The following THUMPD2 variants were observed in gnomAD, a reference collection of about 807,000 sequenced individuals.
THUMPD2 encodes the protein U6 snRNA (guanine-N(2))-methyltransferase THUMPD2.
THUMPD2 carries 56 observed loss-of-function variants against 49.4 expected under a neutral mutation model. That is an observed-to-expected ratio of 1.13 (90% CI 0.91 to 1.41). The LOEUF (loss-of-function observed/expected upper bound fraction) is 1.41, where lower values mean the gene tolerates loss of function less well. Ranked by LOEUF, THUMPD2 falls within the 40% of genes most tolerant of loss-of-function variation. The pLI is 0.00. For missense variants in THUMPD2, 709 were observed against 594.5 expected, an observed-to-expected ratio of 1.19 and a Z score of -2.00; for synonymous variants, 237 against 205.2, an observed-to-expected ratio of 1.15 and a Z score of -1.32.
At position 39,736,753 on chromosome 2, in the gene THUMPD2, C is replaced by A. The variant is rs147766550; in HGVS notation, c.1494G>T (p.Ser498=). Residue 498 remains serine, a synonymous_variant, in exon 10 of 10, where the codon TCG becomes TCT. Transcript: ENST00000505747. Reference sequence around the variant, plus strand: ...AAGCCTGCTACAGTCCAGAAGAGTGCGACTTCTTATATTTACATATGAACG... The same window carrying A: ...AAGCCTGCTACAGTCCAGAAGAGTGAGACTTCTTATATTTACATATGAACG... ...TDAFICKYKK[S]HSSGL 3.1e-6 allele frequency: 5 copies of A among 1,613,620 alleles called. No individual in the cohort carries two copies. Among genetic ancestry groups the A allele is most frequent in the South Asian group, 1.1e-5 (1 of 91,054 alleles).
chr2:39,767,828 A>G (rs1677758238), intron 4 of THUMPD2, among the ~76,000 whole-genome samples: 1 of 152,164 alleles, frequency 6.6e-6, no homozygotes, highest in African/African-American at 2.4e-5. Context: ...TTAAACCTAC[A>G]TAACAAGTAA....
At position 39,771,486 on chromosome 2, in the gene THUMPD2, G is replaced by A; in HGVS notation, c.262+19C>T. The A allele has an allele frequency of 1.3e-6, 2 of 1,577,760 alleles. No homozygotes were observed. The highest frequency in any genetic ancestry group is 1.7e-6 in the Non-Finnish European group (2 of 1,168,948). On this transcript the variant is annotated intron_variant, in intron 2 of 9. Coordinates refer to ENST00000505747, the MANE Select transcript of THUMPD2 (RefSeq NM_025264.5). ...TGTATCATGTGGGTAAAAGCAACAT[G>A]CATATGAATATGCCATACCTTTACT...
intron 3 of THUMPD2, chr2:39,768,908 G>A (rs1677911169): frequency 1.5e-6 from 2 of 1,300,876 alleles, no homozygotes; most frequent in South Asian, 1.2e-5. Flanking sequence ...CACCCTTTAG[G>A]GTTTGACTGA....
At chr2:39,768,388 G>C in intron 4 of THUMPD2, 36 bp downstream of exon 4, 2 of 1,506,098 alleles carry the variant, frequency 1.3e-6, no homozygotes, top group Non-Finnish European at 1.8e-6. Flanking sequence ...AAAGAATTAG[G>C]TTACAAGTAT....
In THUMPD2 at chr2:39,769,917, T is replaced by G; in HGVS notation, c.465A>C (p.Ile155=). ...CCAGCTGGCAGTCCCTATTCTCTTC[T>G]ATCTTTTGCATTTGTTCTATTTTTA... ...KKLKIEQMQK[I]EENRDCQLEK... is the part of the protein sequence containing the mutation. The change falls in exon 3 of 10, where the codon ATA becomes ATC. Residue 155 remains isoleucine (I), a synonymous_variant. Transcript: ENST00000505747. 1 of 1,585,804 alleles carries G rather than the reference T, an allele frequency of 6.3e-7. No homozygotes were observed. The highest frequency in any genetic ancestry group is 8.5e-7 in the Non-Finnish European group (1 of 1,172,906).
chr2:39,757,331 C>T, intron 6 of THUMPD2: 1 of 1,198,446 alleles, frequency 8.3e-7, no homozygotes, highest in Non-Finnish European at 1.1e-6. Flanking sequence ...GCAGAGTCCT[C>T]AGTGCACAGC....
chr2:39,761,182 G>GT (rs1231559526), intron 6 of THUMPD2, 149 bp downstream of exon 6: 2 of 655,308 alleles, frequency 3.1e-6, no homozygotes, highest in Non-Finnish European at 5.1e-6. Flanking sequence ...GCAGCAGTTT[G>GT]TAAGTACAAT....
In THUMPD2 at chr2:39,769,995, ATCTC is replaced by A; in HGVS notation, c.383_386del (p.Arg128MetfsTer5). 2 of 1,576,782 alleles carry A rather than the reference ATCTC, an allele frequency of 1.3e-6. No individual in the cohort carries two copies. Among genetic ancestry groups the A allele is most frequent in the Non-Finnish European group, 1.7e-6 (2 of 1,169,948 alleles). Reference sequence around the variant, plus strand: ...CCACTTTTCTTTTTAGTTGGTTATCATCTCTCTGAGAAAGTTTTTCCTTTTTTGC... The same window carrying A: ...CCACTTTTCTTTTTAGTTGGTTATCATCTGAGAAAGTTTTTCCTTTTTTGC... On this transcript the variant is annotated frameshift_variant, in exon 3 of 10. Coordinates refer to ENST00000505747, the MANE Select transcript of THUMPD2 (RefSeq NM_025264.5). LOFTEE classifies it high-confidence loss of function.
intron 9 of THUMPD2, among the ~76,000 whole-genome samples, chr2:39,740,487 T>C (rs1197013830): frequency 6.6e-6 from 1 of 152,238 alleles, no homozygotes; most frequent in African/African-American, 2.4e-5. Flanking sequence ...TCACCATTTA[T>C]TGTAATTTTG....
chr2:39,743,355 T>G (rs1238375883), intron 9 of THUMPD2, among the ~76,000 whole-genome samples: 1 of 152,246 alleles, frequency 6.6e-6, no homozygotes, highest in Non-Finnish European at 1.5e-5. Flanking sequence ...ACTCATTGTT[T>G]CAATCTCTCA....
rs548655442 is a variant in THUMPD2 at position 39,771,216 on chromosome 2, T to C, written c.262+289A>G. On this transcript the variant is annotated intron_variant, in intron 2 of 9. Transcript: ENST00000505747. The stretch of plus-strand genomic sequence containing the variant: ...GTTTCTAAATCCAAATAAATGCAAC[T>C]GACCATATATATCTCTAGAGAAGGT... Among the ~76,000 whole-genome samples, 7 of 152,232 alleles carry C rather than the reference T, an allele frequency of 4.6e-5. No individual in the cohort carries two copies. The East Asian group carries it at 1.3e-3, about 29-fold the overall frequency.
In THUMPD2 at chr2:39,736,581, A is replaced by G. The variant is rs1673105741; in HGVS notation, c.*154T>C. 1.8e-6 allele frequency: 1 copy of G among 559,286 alleles called. No individual in the cohort carries two copies. The highest frequency in any genetic ancestry group is 3.1e-6 in the Non-Finnish European group (1 of 327,748). The allele number at this position is 559,286 out of a possible 1,614,324, so 34.6% of individuals were successfully genotyped here. On this transcript the variant is annotated 3_prime_UTR_variant, in exon 10 of 10. Transcript: ENST00000505747. The stretch of plus-strand genomic sequence containing the variant: ...TTTAGAATATAAAGCAGAAACTCTT[A>G]CCAAGCATGTGTACCCATCAGCCAC...
intron 9 of THUMPD2, among the ~76,000 whole-genome samples, chr2:39,743,581 A>G (rs1046162519): frequency 9.2e-5 from 14 of 152,110 alleles, no homozygotes; most frequent in African/African-American, 3.1e-4. Flanking sequence ...CCTCCCTGTG[A>G]GGGGTGATAA....
chr2:39,744,120 T>A (rs1216257122), intron 9 of THUMPD2, among the ~76,000 whole-genome samples: 2 of 151,844 alleles, frequency 1.3e-5, no homozygotes, highest in Admixed American at 6.6e-5. Flanking sequence ...TATAGGTCAC[T>A]ATTTCATACA....
intron 5 of THUMPD2, among the ~76,000 whole-genome samples, chr2:39,762,878 A>T (rs932626979): frequency 2.6e-5 from 4 of 151,730 alleles, no homozygotes; most frequent in African/African-American, 7.3e-5. Flanking sequence ...GGAACCTTTC[A>T]AAGTTTCAAA....
chr2:39,754,569 T>A (rs896846507), intron 8 of THUMPD2, among the ~76,000 whole-genome samples: 1 of 152,190 alleles, frequency 6.6e-6, no homozygotes, highest in Admixed American at 6.5e-5. Flanking sequence ...TACCTGGGAA[T>A]TAAATTCACT....
chr2:39,766,067 G>T lies in THUMPD2; in HGVS notation c.793C>A (p.Pro265Thr). 6.3e-7 allele frequency: 1 copy of T among 1,584,188 alleles called. No individual in the cohort carries two copies. Among genetic ancestry groups the T allele is most frequent in the Non-Finnish European group, 8.6e-7 (1 of 1,169,474 alleles). The change falls in exon 5 of 10, where the codon CCT becomes ACT. Residue 265 changes from proline to threonine, a missense_variant. Pro to Thr is a conservative substitution (Grantham distance 38). Transcript: ENST00000505747. The stretch of plus-strand genomic sequence containing the variant: ...GCTTAGAATATCTACCTGAACACAG[G>T]AATCCCCACCACAGAGTAAATGTCA... Reference protein sequence around the residue: ...LNDIYSVVGIPVFRVSLASRA... With the variant: ...LNDIYSVVGITVFRVSLASRA...
chr2:39,739,057 A>G lies in THUMPD2; in HGVS notation c.1188-1998T>C, dbSNP rs150692194. On this transcript the variant is annotated intron_variant, in intron 9 of 9. Transcript: ENST00000505747. ...TCACATATTTGTCTACTTCATTCAT[A>G]GTTTGCCTGGACCACAGCAACAATC... Among the ~76,000 whole-genome samples the G allele has an allele frequency of 6.3e-3, 957 of 152,294 alleles. 9 individuals carry two copies. The highest frequency in any genetic ancestry group is 0.022 in the African/African-American group (904 of 41,554).
At chr2:39,767,238 G>C (rs1334935100) in intron 4 of THUMPD2, among the ~76,000 whole-genome samples, 2 of 152,144 alleles carry the variant, frequency 1.3e-5, no homozygotes, top group Non-Finnish European at 2.9e-5. Context: ...TAATCTATGA[G>C]AAAAACAATT....
Sources: gnomAD v4.1 joint callset for allele counts (sites outside exome capture counted in the v4.1 genomes callset) on GRCh38, gnomAD v4.1.1 for gene constraint, MANE v1.5 for transcripts, NCBI Gene and HGNC (gene_info 2026-07-23, HGNC 2026-07-21) for gene names.